Variants in ADAMTS2 observed in about 807,000 individuals in gnomAD.
ADAMTS2 encodes the protein A disintegrin and metalloproteinase with thrombospondin motifs 2.
A neutral mutation model predicts 123.0 loss-of-function variants in ADAMTS2; 50 were observed. The observed-to-expected ratio is 0.41, with a 90% CI of 0.32 to 0.51. The LOEUF is 0.51. Ranked by LOEUF, ADAMTS2 falls within the 20% of genes least tolerant of loss-of-function variation. The probability of loss-of-function intolerance (pLI) is 0.35; values close to 1 mark genes in which losing one functional copy is unlikely to be tolerated. For missense variants in ADAMTS2, 1,494 were observed against 1,705.2 expected (o/e 0.88, Z 2.18); for synonymous variants, 678 against 695.4 (o/e 0.98, Z 0.39).
chr5:179,271,993 T>C (rs947204038), intron 3 of ADAMTS2, among the ~76,000 whole-genome samples: 3 of 152,162 alleles, frequency 2.0e-5, no homozygotes, highest in Non-Finnish European at 2.9e-5. Flanking sequence ...CAGACTCTCC[T>C]CACCCAGGGG....
Position 179,337,135 on chromosome 5 carries a change from C to G in ADAMTS2, c.534+6632G>C, listed in dbSNP as rs148566519. 9.7e-4 allele frequency among the ~76,000 whole-genome samples: 147 copies of G among 152,276 alleles called. 5 individuals are homozygous for G. In the East Asian group the frequency reaches 0.018, roughly 18 times the overall value. On this transcript the variant is annotated intron_variant, in intron 2 of 21. Transcript: ENST00000251582. ...CAGCTGATATTTAATATGAAACATA[C>G]GCAGCAGAGTGTGCAGCTCCTACCT...
chr5:179,231,782 G>T (rs1037090225), intron 3 of ADAMTS2, among the ~76,000 whole-genome samples: 2 of 152,008 alleles, frequency 1.3e-5, no homozygotes, highest in Non-Finnish European at 2.9e-5. Context: ...AGAGGCAGTG[G>T]CTCACCCCTG....
chr5:179,296,527 G>A (rs552869928), intron 2 of ADAMTS2, among the ~76,000 whole-genome samples: 1 of 152,322 alleles, frequency 6.6e-6, no homozygotes, highest in African/African-American at 2.4e-5. Context: ...AGCAAGGAAA[G>A]CAGGAGGCGG....
intron 5 of ADAMTS2, among the ~76,000 whole-genome samples, chr5:179,160,731 G>T (rs1763577165): frequency 1.3e-5 from 2 of 152,182 alleles, no homozygotes; most frequent in African/African-American, 2.4e-5. Flanking sequence ...ACTAAGACTT[G>T]TGGGACATTG....
intron 3 of ADAMTS2, among the ~76,000 whole-genome samples, chr5:179,253,368 G>A (rs1267271129): frequency 2.0e-5 from 3 of 152,096 alleles, no homozygotes; most frequent in Non-Finnish European, 4.4e-5. Flanking sequence ...TCCCGGCCGG[G>A]CGCAGTGGCT....
chr5:179,237,850 G>A (rs1164584552), intron 3 of ADAMTS2, among the ~76,000 whole-genome samples: 3 of 152,196 alleles, frequency 2.0e-5, no homozygotes, highest in African/African-American at 7.2e-5. Context: ...TTCTTGTACT[G>A]CAAGGTGCTT....
chr5:179,217,115 C>G (rs1384347081), intron 3 of ADAMTS2, among the ~76,000 whole-genome samples: 2 of 152,168 alleles, frequency 1.3e-5, no homozygotes, highest in Non-Finnish European at 2.9e-5. Context: ...GTGAGGGGAG[C>G]TGGAAACAAC....
rs531142105 is a variant in ADAMTS2 at position 179,321,758 on chromosome 5, C to T, written c.534+22009G>A. 3.4e-3 allele frequency among the ~76,000 whole-genome samples: 512 copies of T among 152,144 alleles called. 4 individuals carry two copies. Among genetic ancestry groups the T allele is most frequent in the African/African-American group, 0.012 (487 of 41,482 alleles). ...CAGCTGCCAGACTCCTTCCAAGAGA[C>T]AGCCCCAGTGACAAACCCTCTCTCC... is the stretch of plus-strand genomic sequence containing the variant. On this transcript the variant is annotated intron_variant, in intron 2 of 21. Transcript: ENST00000251582.
At position 179,175,630 on chromosome 5, in the gene ADAMTS2, A is replaced by G. The variant is rs1335399330; in HGVS notation, c.975+5442T>C. ...ACAGAAGCTACTGATTTTTTAAACA[A>G]TGGTCTGATATTTGGCCACATCACC... is the stretch of plus-strand genomic sequence containing the variant. On this transcript the variant is annotated intron_variant, in intron 5 of 21. Transcript: ENST00000251582. The surrounding 1 kb of genome is among the most constrained non-coding windows in gnomAD (Gnocchi z 4.1). 1.3e-5 allele frequency among the ~76,000 whole-genome samples: 2 copies of G among 152,194 alleles called. No homozygotes were observed. The highest frequency in any genetic ancestry group is 2.9e-5 in the Non-Finnish European group (2 of 68,030).
In ADAMTS2 at chr5:179,154,098, G is replaced by A. The variant is rs778369128; in HGVS notation, c.1333C>T (p.Arg445Cys). ...TGGCTGCAGCGGGACCAGTGGAAGCGGTGGAAGGCGGCCTGCACCAGGGGC... is the reference window on the plus strand; with the variant it reads ...TGGCTGCAGCGGGACCAGTGGAAGCAGTGGAAGGCGGCCTGCACCAGGGGC... ...MAPLVQAAFH[R>C]FHWSRCSQQE... Residue 445 changes from arginine to cysteine, a missense_variant, in exon 8 of 22, where the codon CGC becomes TGC. Arg to Cys is a radical substitution (Grantham distance 180). This residue lies in a region of ADAMTS2 where 953 missense variants were observed against 1,124.7 expected (regional missense o/e 0.85). Coordinates refer to ENST00000251582, the MANE Select transcript of ADAMTS2 (RefSeq NM_014244.5). 1.9e-6 allele frequency: 3 copies of A among 1,602,366 alleles called. No homozygotes were observed. The highest frequency in any genetic ancestry group is 1.3e-5 in the African/African-American group (1 of 74,876).
intron 3 of ADAMTS2, among the ~76,000 whole-genome samples, chr5:179,237,957 G>T (rs1315580564): frequency 6.6e-6 from 1 of 152,194 alleles, no homozygotes; most frequent in Non-Finnish European, 1.5e-5. Context: ...GAGAACGGCG[G>T]TGTTAAAGGA....
intron 2 of ADAMTS2, among the ~76,000 whole-genome samples, chr5:179,294,918 GAAGA>G (rs1181092938): frequency 6.6e-6 from 1 of 152,240 alleles, no homozygotes; most frequent in Non-Finnish European, 1.5e-5. Flanking sequence ...AAGAAGGAAG[GAAGA>G]GTCACTGTGC....
chr5:179,328,383 G>A (rs924249283), intron 2 of ADAMTS2, among the ~76,000 whole-genome samples: 2 of 152,216 alleles, frequency 1.3e-5, no homozygotes, highest in Non-Finnish European at 2.9e-5. Context: ...TCATATTTGT[G>A]CCATTCTAGT....
chr5:179,327,462 A>G (rs1255992644), intron 2 of ADAMTS2, among the ~76,000 whole-genome samples: 1 of 152,174 alleles, frequency 6.6e-6, no homozygotes, highest in Non-Finnish European at 1.5e-5. Flanking sequence ...AACCCTGTGC[A>G]TGCCCGGTGC....
chr5:179,136,267 A>G (rs1446925150), intron 12 of ADAMTS2, among the ~76,000 whole-genome samples: 2 of 151,924 alleles, frequency 1.3e-5, no homozygotes, highest in African/African-American at 2.4e-5. Flanking sequence ...GCTTTTCCCA[A>G]CCAAGCCAGC....
intron 2 of ADAMTS2, among the ~76,000 whole-genome samples, chr5:179,323,996 T>C (rs1341391668): frequency 6.6e-6 from 1 of 152,200 alleles, no homozygotes; most frequent in African/African-American, 2.4e-5. Context: ...TGCTGCAACC[T>C]AGATGAACCT....
chr5:179,322,150 T>C (rs967195723), intron 2 of ADAMTS2, among the ~76,000 whole-genome samples: 2 of 152,212 alleles, frequency 1.3e-5, no homozygotes, highest in Non-Finnish European at 2.9e-5. Context: ...TATTTCTGCA[T>C]TCTGTTTTAT....
chr5:179,226,224 T>TTTCC (rs200700031), intron 3 of ADAMTS2, among the ~76,000 whole-genome samples: 3 of 149,208 alleles, frequency 2.0e-5, no homozygotes, highest in African/African-American at 4.8e-5. Flanking sequence ...CCCTTCCTTC[T>TTTCC]TTCCTTCCTT....
At chr5:179,163,496 A>T (rs1763638028) in intron 5 of ADAMTS2, among the ~76,000 whole-genome samples, 1 of 152,134 alleles carries the variant, frequency 6.6e-6, no homozygotes, top group African/African-American at 2.4e-5. Flanking sequence ...AATAGTAAAC[A>T]CTGGCTCAAA....
Sources: allele counts gnomAD v4.1 joint callset (sites outside exome capture counted in the v4.1 genomes callset), GRCh38; gene constraint gnomAD v4.1.1; regional missense constraint gnomAD v4.1.1; non-coding constraint Gnocchi (gnomAD v3.1); transcripts MANE v1.5; gene names NCBI Gene and HGNC (gene_info 2026-07-23, HGNC 2026-07-21).